The following PIGG variants were observed in gnomAD, a reference collection of about 807,000 sequenced individuals.
PIGG encodes the protein GPI ethanolamine phosphate transferase 2, catalytic subunit.
Under a neutral mutation model 83.2 loss-of-function variants are expected in PIGG, and 70 were observed. That is an observed-to-expected ratio of 0.84 (90% CI 0.69 to 1.03). The LOEUF (loss-of-function observed/expected upper bound fraction) is 1.03, where lower values mean the gene tolerates loss of function less well. PIGG is among the 50% of genes least tolerant of loss of function. The pLI, the probability that PIGG is intolerant of heterozygous loss-of-function variation, is 0.00. For synonymous variants in PIGG, 532 were observed against 519.5 expected, an observed-to-expected ratio of 1.02 and a Z score of -0.33; for missense variants, 1,257 against 1,233.6, an observed-to-expected ratio of 1.02 and a Z score of -0.28.
intron 12 of PIGG, among the ~76,000 whole-genome samples, chr4:538,939 C>G (rs1731410169): frequency 6.6e-6 from 1 of 152,188 alleles, no homozygotes; most frequent in South Asian, 2.1e-4. Flanking sequence ...AACACAGCCT[C>G]CAAGGGGGCA....
chr4:516,895 G>A lies in PIGG; in HGVS notation c.1114+710G>A, dbSNP rs532635149. Among the ~76,000 whole-genome samples the A allele has an allele frequency of 4.2e-3, 639 of 151,370 alleles. 7 individuals carry two copies. Among genetic ancestry groups the A allele is most frequent in the African/African-American group, 0.015 (614 of 41,204 alleles). ...AAAAAAAAAGAAGGAATAAACAGGC[G>A]TGGGGTGGGAAGTGAAGCGGGTGGG... On this transcript the variant is annotated intron_variant, in intron 6 of 12. Transcript: ENST00000453061.
At chr4:526,982 AGATT>A (rs1727800634) in intron 9 of PIGG, 53 bp from the exon 10 acceptor site, 1 of 1,601,840 alleles carries the variant, frequency 6.2e-7, no homozygotes, top group Middle Eastern at 1.7e-4. Flanking sequence ...CACTTGGTGT[AGATT>A]GATCTTGTCG....
chr4:499,396 G>C lies in PIGG; in HGVS notation c.61G>C (p.Ala21Pro). ...CGTAGCGATCGAGGTGCTAGGGATC[G>C]CGGTCTTCCTTCGGGGATTCTTCCC... ...CCVAIEVLGI[A>P]VFLRGFFPAP... The change falls in exon 1 of 13, where the codon GCG becomes CCG. Residue 21 changes from alanine to proline, a missense_variant. Transcript: ENST00000453061. 6.2e-7 allele frequency: 1 copy of C among 1,609,892 alleles called. No individual in the cohort carries two copies. Among genetic ancestry groups the C allele is most frequent in the East Asian group, 2.2e-5 (1 of 44,850 alleles).
rs763051933 is a variant in PIGG at position 500,557 on chromosome 4, G to A, written c.316G>A (p.Val106Met). 2.5e-6 allele frequency: 4 copies of A among 1,613,644 alleles called. No individual in the cohort carries two copies. In the South Asian group the frequency reaches 4.4e-5, roughly 18 times the overall value. ...GGAAAAAGGAGCATCTCACAGTTTT[G>A]TGGCTGAAGCAAAGCCACCTACAGT... ...LVEKGASHSF[V>M]AEAKPPTVTM... The change falls in exon 2 of 13, where the codon GTG becomes ATG. Residue 106 changes from valine (V) to methionine (M), a missense_variant. Transcript: ENST00000453061.
In PIGG at chr4:523,854, C is replaced by T. The variant is rs780968547; in HGVS notation, c.2010C>T (p.Ser670=). 1.2e-5 allele frequency: 19 copies of T among 1,590,892 alleles called. No homozygotes were observed. The African/African-American group carries it at 2.3e-4, about 19-fold the overall frequency. The change falls in exon 9 of 13, where the codon TCC becomes TCT. Residue 670 remains serine, a synonymous_variant. Transcript: ENST00000453061. ...LILACCRLLR[S]LNQTGVQWAH... ...TGGCCTGCTGCCGGCTGCTGCGCTC[C>T]CTAAACCAGACAGGTGTGCAGTGGG... is the stretch of plus-strand genomic sequence containing the variant.
chr4:531,355 G>A (rs1729020159), intron 11 of PIGG: 1 of 158,650 alleles, frequency 6.3e-6, no homozygotes, highest in South Asian at 1.4e-4. Context: ...GCAACCTCAG[G>A]AGAGCAGGCA....
intron 10 of PIGG, chr4:527,494 T>G: frequency 8.1e-7 from 1 of 1,241,342 alleles, no homozygotes. Context: ...GGAAGTAAGA[T>G]TTTTTAAATT....
rs139518242 is a variant in PIGG at position 521,195 on chromosome 4, G to A, written c.1254G>A (p.Thr418=). ...GGCAGTACCTGGATGCTCTGAAGACGCTGAGCTTGTCCCTGAGTGCACAAG... is the reference window on the plus strand; with the variant it reads ...GGCAGTACCTGGATGCTCTGAAGACACTGAGCTTGTCCCTGAGTGCACAAG... ...VLRQYLDALK[T]LSLSLSAQVA... is the part of the protein sequence containing the mutation. The change falls in exon 7 of 13, where the codon ACG becomes ACA. Residue 418 remains threonine, a synonymous_variant. Coordinates refer to ENST00000453061, the MANE Select transcript of PIGG (RefSeq NM_001127178.3). 4,665 of 1,614,064 alleles carry A rather than the reference G, an allele frequency of 2.9e-3. 19 individuals carry two copies. Among genetic ancestry groups the A allele is most frequent in the Non-Finnish European group, 3.1e-3 (3,707 of 1,179,924 alleles).
intron 2 of PIGG, chr4:501,179 T>C (rs1553875681): frequency 2.2e-6 from 1 of 455,812 alleles, no homozygotes; most frequent in Non-Finnish European, 4.4e-6. Flanking sequence ...AAGTAAGCCT[T>C]TATTGATTGG....
chr4:510,693 C>T (rs1358401815), intron 5 of PIGG, among the ~76,000 whole-genome samples: 1 of 152,190 alleles, frequency 6.6e-6, no homozygotes, highest in African/African-American at 2.4e-5. Context: ...TCTTTATTCT[C>T]ATCATACCTG....
At chr4:537,008 GGAAAAAGACAAATATTAAGT>G (rs1323647648) in intron 12 of PIGG, 1 of 152,118 alleles carries the variant, frequency 6.6e-6, no homozygotes, top group East Asian at 1.9e-4. Flanking sequence ...TGTTTGGGAG[GGAAAAAGACAAATATTAAGT>G]GAGGTGAAAG....
chr4:507,358 C>A (rs1217920784), intron 3 of PIGG, 47 bp from the exon 4 acceptor site: 4 of 1,448,658 alleles, frequency 2.8e-6, no homozygotes, highest in African/African-American at 2.8e-5. Context: ...GAGTGAAGAT[C>A]CAGGGAAATT....
chr4:522,017 C>G (rs763955345), intron 8 of PIGG, 76 bp downstream of exon 8: 3 of 1,508,382 alleles, frequency 2.0e-6, no homozygotes, highest in East Asian at 4.5e-5. Context: ...GGCTGCCTTT[C>G]GTTTACCAGA....
chr4:527,410 T>A, intron 10 of PIGG, 180 bp downstream of exon 10: 6 of 1,343,474 alleles, frequency 4.5e-6, no homozygotes, highest in Non-Finnish European at 5.7e-6. Flanking sequence ...GGAGTGTAAC[T>A]AAGAAAACCT....
Position 515,839 on chromosome 4 carries a change from G to T in PIGG, c.902-134G>T. The stretch of plus-strand genomic sequence containing the variant: ...ACAGCAAGCACAGGAGGTGATTCCT[G>T]TACGATTCTGTGTTGAGTGGTGTGA... On this transcript the variant is annotated intron_variant, in intron 5 of 12. Transcript: ENST00000453061. This position sits in a 1 kb window ranked among gnomAD's most constrained non-coding sequence, Gnocchi z 4.2. 1.4e-6 allele frequency: 1 copy of T among 705,788 alleles called. No homozygotes were observed. The allele number at this position is 705,788 out of a possible 1,614,324, so 43.7% of individuals were successfully genotyped here. A position where few individuals can be genotyped will look rare whatever the true frequency, so the allele number is the denominator to read the frequency against.
At chr4:521,631 C>T in intron 7 of PIGG, 29 bp from the exon 8 acceptor site, 1 of 1,605,740 alleles carries the variant, frequency 6.2e-7, no homozygotes, top group South Asian at 1.1e-5. Flanking sequence ...GCCCAGCAGT[C>T]TGTGGATGCT....
In PIGG at chr4:523,656, G is replaced by A. The variant is rs774529830; in HGVS notation, c.1812G>A (p.Glu604=). The stretch of plus-strand genomic sequence containing the variant: ...ACTACTTTCTGGGAGATGACGGTGA[G>A]CCTCCGTGTGGCCTCTGTGTGGAAC... ...YRNYFLGDDG[E]PPCGLCVEQG... is the part of the protein sequence containing the mutation. The change falls in exon 9 of 13, where the codon GAG becomes GAA. Residue 604 remains glutamate (E), a synonymous_variant. Transcript: ENST00000453061. 2.5e-6 allele frequency: 4 copies of A among 1,614,100 alleles called. No individual in the cohort carries two copies.
rs1723363606 is a variant in PIGG, at chr4:515,027, A to G, written c.902-946A>G. On this transcript the variant is annotated intron_variant, in intron 5 of 12. Transcript: ENST00000453061. The surrounding 1 kb of genome is among the most constrained non-coding windows in gnomAD (Gnocchi z 4.2). ...TTCTAAGCATGACCTAGAAGCCGTC[A>G]TTAGAGAGTTGGCCAAGACCTGATT... Among the ~76,000 whole-genome samples the G allele has an allele frequency of 6.6e-6, 1 of 152,250 alleles. No individual in the cohort carries two copies. Among genetic ancestry groups the G allele is most frequent in the South Asian group, 2.1e-4 (1 of 4,834 alleles).
At chr4:526,369 C>T (rs1182254083) in intron 9 of PIGG, among the ~76,000 whole-genome samples, 1 of 152,234 alleles carries the variant, frequency 6.6e-6, no homozygotes, top group Non-Finnish European at 1.5e-5. Context: ...CCGGCCTTCC[C>T]CACCCTCACA....
Sources: gnomAD v4.1 joint callset for allele counts (sites outside exome capture counted in the v4.1 genomes callset) on GRCh38, gnomAD v4.1.1 for gene constraint, Gnocchi (gnomAD v3.1) non-coding constraint, MANE v1.5 for transcripts, NCBI Gene and HGNC (gene_info 2026-07-23, HGNC 2026-07-21) for gene names.